The following SLC36A1 variants were observed in gnomAD, a reference collection of about 807,000 sequenced individuals.
The protein encoded by SLC36A1 is solute carrier family 36 member 1, also known as proton-coupled amino acid transporter 1.
A neutral mutation model predicts 47.5 loss-of-function variants in SLC36A1; 30 were observed. The observed-to-expected ratio is 0.63, with a 90% CI of 0.47 to 0.86. The LOEUF is 0.86. Ranked by LOEUF, SLC36A1 falls within the 40% of genes least tolerant of loss-of-function variation. SLC36A1 has a pLI of 0.00. For missense variants in SLC36A1, 517 were observed against 606.0 expected (o/e 0.85, Z 1.54); for synonymous variants, 255 against 249.7 (o/e 1.02, Z -0.20).
intron 10 of SLC36A1, among the ~76,000 whole-genome samples, chr5:151,481,725 A>C (rs1467268090): frequency 6.6e-6 from 1 of 151,558 alleles, no homozygotes; most frequent in Non-Finnish European, 1.5e-5. Flanking sequence ...GGACTTTGTG[A>C]TGCTTAATTT....
chr5:151,406,945 C>A, the SLC36A1 span, among the ~76,000 whole-genome samples: 1 of 152,266 alleles, frequency 6.6e-6, no homozygotes, highest in South Asian at 2.1e-4. Flanking sequence ...GAGTTTCTTC[C>A]TTCTGGTGGG....
At chr5:151,526,106 T>C in the SLC36A1 span, 1 of 828,340 alleles carries the variant, frequency 1.2e-6, no homozygotes, top group Non-Finnish European at 1.9e-6. Context: ...AAGCTGCTGC[T>C]CATTCATTCT....
chr5:151,439,890 A>G (rs890990159), intron 1 of SLC36A1, among the ~76,000 whole-genome samples: 2 of 152,136 alleles, frequency 1.3e-5, no homozygotes, highest in South Asian at 4.1e-4. Flanking sequence ...GGTCTTCTTT[A>G]TAGGAATTTT....
the SLC36A1 span, chr5:151,511,459 C>T: frequency 6.6e-6 from 1 of 152,308 alleles, no homozygotes. Context: ...GAGCCTGTGA[C>T]TTCCACCCCT....
intron 2 of SLC36A1, among the ~76,000 whole-genome samples, chr5:151,460,342 A>G (rs1755333426): frequency 6.6e-6 from 1 of 152,246 alleles, no homozygotes; most frequent in Non-Finnish European, 1.5e-5. Context: ...TTATGTTTAT[A>G]GAGACATCTC....
downstream of SLC36A1, among the ~76,000 whole-genome samples, chr5:151,496,934 T>C (rs1020936629): frequency 2.0e-5 from 3 of 152,262 alleles, no homozygotes; most frequent in African/African-American, 2.4e-5. Context: ...ATTGGTAGTA[T>C]ATAGAAATAT....
the SLC36A1 span, chr5:151,527,994 A>G: frequency 1.9e-6 from 3 of 1,613,730 alleles, no homozygotes; most frequent in South Asian, 3.3e-5. Context: ...CACATGACTC[A>G]CCTGTTCCCG....
the SLC36A1 span, among the ~76,000 whole-genome samples, chr5:151,390,330 C>T: frequency 6.6e-6 from 1 of 152,158 alleles, no homozygotes; most frequent in Non-Finnish European, 1.5e-5. Flanking sequence ...GAGTAGATTG[C>T]AAAATTTTTC....
intron 7 of SLC36A1, among the ~76,000 whole-genome samples, chr5:151,470,151 A>G (rs1757114191): frequency 6.6e-6 from 1 of 152,192 alleles, no homozygotes; most frequent in African/African-American, 2.4e-5. Context: ...GACCATTTCC[A>G]TTACCAAACA....
At chr5:151,470,492 C>T (rs961332596) in intron 7 of SLC36A1, among the ~76,000 whole-genome samples, 3 of 152,318 alleles carry the variant, frequency 2.0e-5, no homozygotes, top group African/African-American at 4.8e-5. Flanking sequence ...GAGAGCAATT[C>T]TGAGTCTTCC....
chr5:151,514,703 C>T, the SLC36A1 span, among the ~76,000 whole-genome samples: 1 of 152,158 alleles, frequency 6.6e-6, no homozygotes, highest in Non-Finnish European at 1.5e-5. Context: ...CTCCTCATTC[C>T]CACTCTCAGC....
intron 4 of SLC36A1, 73 bp from the exon 5 acceptor site, chr5:151,465,001 G>A (rs1581132867): frequency 8.3e-7 from 1 of 1,208,032 alleles, no homozygotes; most frequent in Non-Finnish European, 1.2e-6. Context: ...GGTCTCAGTG[G>A]CTCTTTTTGT....
At chr5:151,545,368 G>A in the SLC36A1 span, 1 of 1,614,184 alleles carries the variant, frequency 6.2e-7, no homozygotes, top group Non-Finnish European at 8.5e-7. Context: ...ACCAGTGACA[G>A]GATGGATGGT....
At chr5:151,484,603 T>C (rs1759268477) in intron 10 of SLC36A1, among the ~76,000 whole-genome samples, 1 of 152,166 alleles carries the variant, frequency 6.6e-6, no homozygotes, top group Non-Finnish European at 1.5e-5. Context: ...ATTTCACAGG[T>C]AAACGAATGA....
the SLC36A1 span, among the ~76,000 whole-genome samples, chr5:151,366,087 G>A: frequency 6.6e-6 from 1 of 152,192 alleles, no homozygotes. Flanking sequence ...AAATGTATGT[G>A]TGCACATACT....
At chr5:151,544,872 T>C in the SLC36A1 span, 3,396 of 1,614,190 alleles carry the variant, frequency 2.1e-3, 60 homozygotes, top group African/African-American at 0.04. Context: ...GGACATCCCC[T>C]GGCTCTGTGC....
rs1029436456 is a variant in SLC36A1 at position 151,463,482 on chromosome 5, A to G, written c.144-71A>G. On this transcript the variant is annotated intron_variant, in intron 2 of 10. Transcript: ENST00000243389. Reference sequence around the variant, plus strand: ...TTGTGGAAATAAAATAAGATAATGCATATAAGCACTGAGATCCTAATAAAA... The same window carrying G: ...TTGTGGAAATAAAATAAGATAATGCGTATAAGCACTGAGATCCTAATAAAA... 6 of 1,059,294 alleles carry G rather than the reference A, an allele frequency of 5.7e-6. No individual in the cohort carries two copies. In the African/African-American group the frequency reaches 9.3e-5, roughly 16 times the overall value. 65.6% of individuals were successfully genotyped at this position (1,059,294 alleles called of 1,614,324 possible). A position where few individuals can be genotyped will look rare whatever the true frequency, so the allele number is the denominator to read the frequency against.
the SLC36A1 span, among the ~76,000 whole-genome samples, chr5:151,349,181 A>G: frequency 2.0e-5 from 3 of 152,134 alleles, no homozygotes; most frequent in African/African-American, 7.2e-5. Context: ...GGAGCTTGCT[A>G]TGTTTAGATA....
At chr5:151,467,304 G>GAAAAAAA in intron 6 of SLC36A1, 21 bp downstream of exon 6, 12 of 807,272 alleles carry the variant, frequency 1.5e-5, no homozygotes, top group South Asian at 1.4e-4. Context: ...GGTTAAAAAA[G>GAAAAAAA]AAAAAAAAAA....
Sources: gnomAD v4.1 joint callset for allele counts (sites outside exome capture counted in the v4.1 genomes callset) on GRCh38, gnomAD v4.1.1 for gene constraint, MANE v1.5 for transcripts, NCBI Gene and HGNC (gene_info 2026-07-23, HGNC 2026-07-21) for gene names.